The following ANKFN1 variants were observed in gnomAD, a reference collection of about 807,000 sequenced individuals.
ANKFN1 encodes the protein ankyrin repeat and fibronectin type III domain containing 1.
Under a neutral mutation model 108.7 loss-of-function variants are expected in ANKFN1, and 74 were observed. The observed-to-expected ratio is 0.68, with a 90% CI of 0.56 to 0.83. The LOEUF is 0.83. Among genes scored for constraint, ANKFN1 ranks in the 40% least tolerant of loss-of-function variants. ANKFN1 has a pLI of 0.00. For missense variants in ANKFN1, 1,505 were observed against 1,382.3 expected (o/e 1.09, Z -1.41); for synonymous variants, 547 against 516.2 (o/e 1.06, Z -0.81).
intron 4 of ANKFN1, among the ~76,000 whole-genome samples, chr17:56,333,726 C>T (rs2045728849): frequency 6.6e-6 from 1 of 151,768 alleles, no homozygotes; most frequent in South Asian, 2.1e-4. Context: ...AGTTGTATGT[C>T]GAATTGGTAT....
At chr17:56,083,268 G>A (rs1905269584) in intron 4 of ANKFN1, among the ~76,000 whole-genome samples, 1 of 151,366 alleles carries the variant, frequency 6.6e-6, no homozygotes, top group Admixed American at 6.6e-5. Flanking sequence ...TGGAGAAACT[G>A]AAGCCTACAC....
At chr17:56,253,354 A>G (rs541373142) in intron 3 of ANKFN1, among the ~76,000 whole-genome samples, 1 of 152,342 alleles carries the variant, frequency 6.6e-6, no homozygotes, top group East Asian at 1.9e-4. Context: ...CATTGCTTCT[A>G]TTAATTCAGC....
intron 4 of ANKFN1, among the ~76,000 whole-genome samples, chr17:56,340,137 C>T (rs2045922568): frequency 1.3e-5 from 2 of 152,046 alleles, no homozygotes; most frequent in East Asian, 3.8e-4. Context: ...TGTCCTTTGC[C>T]CACTTTTTGA....
intron 3 of ANKFN1, among the ~76,000 whole-genome samples, chr17:56,276,831 A>G (rs951086230): frequency 1.3e-5 from 2 of 151,816 alleles, no homozygotes; most frequent in African/African-American, 2.4e-5. Context: ...CTCTCCTCCA[A>G]TTTTTTCTCA....
At chr17:56,284,779 G>A (rs754895768) in intron 3 of ANKFN1, among the ~76,000 whole-genome samples, 12 of 152,136 alleles carry the variant, frequency 7.9e-5, no homozygotes, top group African/African-American at 1.4e-4. Flanking sequence ...TAGGAGTGTC[G>A]ACGTGTAGAA....
rs146572764 is a variant in ANKFN1 at position 56,283,275 on chromosome 17, T to G, written c.54-42946T>G. On this transcript the variant is annotated intron_variant, in intron 3 of 20. Transcript: ENST00000682825. ...CTCCATCATGTTGCTGCAAAGGACATGATCTCGAGGGAATGTAAACTACTA... is the reference window on the plus strand; with the variant it reads ...CTCCATCATGTTGCTGCAAAGGACAGGATCTCGAGGGAATGTAAACTACTA... Among the ~76,000 whole-genome samples the G allele has an allele frequency of 1.5e-3, 232 of 152,202 alleles. 1 individual carries two copies. The highest frequency in any genetic ancestry group is 5.3e-3 in the African/African-American group (221 of 41,494).
intron 4 of ANKFN1, among the ~76,000 whole-genome samples, chr17:56,064,884 G>A (rs1412814314): frequency 1.3e-5 from 2 of 152,160 alleles, no homozygotes; most frequent in African/African-American, 4.8e-5. Flanking sequence ...CCAATCTGTG[G>A]GTCGCACAAT....
In ANKFN1 at chr17:56,390,705, T is replaced by G. The variant is rs558158137; in HGVS notation, c.910+15991T>G. ...CTGTTTCTCCACATCCTCACCAGCA[T>G]CTGTTGTTTCCTGACTTTTTAATAA... On this transcript the variant is annotated intron_variant, in intron 8 of 20. Coordinates refer to ENST00000682825, the MANE Select transcript of ANKFN1 (RefSeq NM_001370326.1). Among the ~76,000 whole-genome samples the G allele has an allele frequency of 1.9e-4, 29 of 152,290 alleles. No individual in the cohort carries two copies. The South Asian group carries it at 6.0e-3, about 32-fold the overall frequency.
intron 4 of ANKFN1, among the ~76,000 whole-genome samples, chr17:56,146,459 C>A (rs1908267205): frequency 6.6e-6 from 1 of 152,212 alleles, no homozygotes; most frequent in Admixed American, 6.5e-5. Context: ...TCTGCCCCTG[C>A]AGCAAACTTC....
intron 3 of ANKFN1, among the ~76,000 whole-genome samples, chr17:56,289,725 G>T (rs1355106452): frequency 2.0e-5 from 3 of 152,164 alleles, no homozygotes; most frequent in South Asian, 4.1e-4. Flanking sequence ...GCCCACATTG[G>T]CCCCGTTGTA....
At chr17:56,069,394 A>G (rs1431542813) in intron 4 of ANKFN1, among the ~76,000 whole-genome samples, 1 of 152,208 alleles carries the variant, frequency 6.6e-6, no homozygotes, top group African/African-American at 2.4e-5. Flanking sequence ...GACCTTGACC[A>G]TGAAGAGTAC....
At chr17:56,231,868 G>C (rs1177767896) in intron 3 of ANKFN1, among the ~76,000 whole-genome samples, 2 of 152,148 alleles carry the variant, frequency 1.3e-5, no homozygotes, top group African/African-American at 4.8e-5. Context: ...AATTTTGGAA[G>C]ATGCTTTCAA....
chr17:56,274,910 T>A (rs1157020786), intron 3 of ANKFN1, among the ~76,000 whole-genome samples: 1 of 152,162 alleles, frequency 6.6e-6, no homozygotes, highest in African/African-American at 2.4e-5. Context: ...CCTGAAAAAA[T>A]GTACCTTGCG....
At chr17:56,271,396 A>C (rs2144181940) in intron 3 of ANKFN1, among the ~76,000 whole-genome samples, 1 of 152,302 alleles carries the variant, frequency 6.6e-6, no homozygotes, top group South Asian at 2.1e-4. Flanking sequence ...CAGTGTCTAG[A>C]GCAATACCTG....
At chr17:56,260,851 T>C (rs1305324129) in intron 3 of ANKFN1, among the ~76,000 whole-genome samples, 1 of 152,118 alleles carries the variant, frequency 6.6e-6, no homozygotes, top group Non-Finnish European at 1.5e-5. Flanking sequence ...CTGGGTGGCT[T>C]CCTAATTTTA....
intron 4 of ANKFN1, among the ~76,000 whole-genome samples, chr17:56,338,017 G>A (rs897143505): frequency 4.6e-5 from 7 of 151,778 alleles, no homozygotes; most frequent in Admixed American, 2.0e-4. Flanking sequence ...TGCTTATTGC[G>A]GCACTATTCA....
intron 8 of ANKFN1, among the ~76,000 whole-genome samples, chr17:56,380,897 C>T (rs939800901): frequency 3.3e-5 from 5 of 152,338 alleles, no homozygotes; most frequent in African/African-American, 1.2e-4. Flanking sequence ...CCTCTGCAGA[C>T]TTAAATGTCC....
At chr17:56,474,164 TA>T in intron 15 of ANKFN1, among the ~76,000 whole-genome samples, 1 of 152,292 alleles carries the variant, frequency 6.6e-6, no homozygotes, top group African/African-American at 2.4e-5. Context: ...TGTCAATAAA[TA>T]AGCTGAACAG....
intron 4 of ANKFN1, among the ~76,000 whole-genome samples, chr17:56,085,181 A>G (rs919830449): frequency 4.3e-4 from 3 of 7,010 alleles, no homozygotes; most frequent in Non-Finnish European, 1.0e-3. Flanking sequence ...CCTCCAAAGC[A>G]TATATATATA....
Sources: allele counts gnomAD v4.1 joint callset (sites outside exome capture counted in the v4.1 genomes callset), GRCh38; gene constraint gnomAD v4.1.1; transcripts MANE v1.5; gene names NCBI Gene and HGNC (gene_info 2026-07-23, HGNC 2026-07-21).